The following BTBD1 variants were observed in gnomAD, a reference collection of about 807,000 sequenced individuals.
BTBD1 encodes the protein BTB domain containing 1.
Under a neutral mutation model 48.0 loss-of-function variants are expected in BTBD1, and 34 were observed. That is an observed-to-expected ratio of 0.71 (90% CI 0.54 to 0.94). The LOEUF (loss-of-function observed/expected upper bound fraction) is 0.94, where lower values mean the gene tolerates loss of function less well. BTBD1 is among the 40% of genes least tolerant of loss of function. The pLI is 0.00. For synonymous variants in BTBD1, 261 were observed against 242.1 expected (o/e 1.08, Z -0.72); for missense variants, 543 against 625.6 (o/e 0.87, Z 1.41).
At chr15:83,052,101 C>G (rs577137834) in intron 2 of BTBD1, among the ~76,000 whole-genome samples, 1 of 152,184 alleles carries the variant, frequency 6.6e-6, no homozygotes, top group East Asian at 1.9e-4. Flanking sequence ...GGACCACAGG[C>G]GCCTGCCACC....
chr15:83,048,268 G>A (rs928270648), intron 3 of BTBD1, among the ~76,000 whole-genome samples: 49 of 152,178 alleles, frequency 3.2e-4, no homozygotes, highest in Non-Finnish European at 4.4e-4. Flanking sequence ...AGGAACAGAA[G>A]AGTCCTCACA....
intron 4 of BTBD1, 25 bp downstream of exon 4, chr15:83,041,703 G>A (rs903058840): frequency 6.2e-7 from 1 of 1,607,104 alleles, no homozygotes; most frequent in Non-Finnish European, 8.5e-7. Flanking sequence ...GTTTCAAATA[G>A]ATTTTGGTGA....
intron 1 of BTBD1, among the ~76,000 whole-genome samples, chr15:83,063,780 G>C (rs1334883526): frequency 6.6e-6 from 1 of 152,100 alleles, no homozygotes; most frequent in African/African-American, 2.4e-5. Context: ...AGGCACACTG[G>C]TTCACTCTTG....
intron 1 of BTBD1, among the ~76,000 whole-genome samples, chr15:83,064,812 T>C (rs899434980): frequency 2.0e-5 from 3 of 152,172 alleles, no homozygotes; most frequent in Admixed American, 1.3e-4. Context: ...TACCCAATCC[T>C]CCTGGTGAAC....
At chr15:83,054,563 CTTTTTT>C (rs1178762435) in intron 2 of BTBD1, among the ~76,000 whole-genome samples, 1 of 130,428 alleles carries the variant, frequency 7.7e-6, no homozygotes, top group African/African-American at 2.9e-5. Flanking sequence ...AACATTTTTT[CTTTTTT>C]TTTTTTTTTT....
intron 4 of BTBD1, chr15:83,030,596 T>C (rs1320914735): frequency 6.0e-6 from 2 of 330,940 alleles, no homozygotes; most frequent in Non-Finnish European, 1.1e-5. Flanking sequence ...GAATCCTCCT[T>C]TCTCACCTTA....
rs1045231062 is a variant in BTBD1 at position 83,056,471 on chromosome 15, G to A, written c.476C>T (p.Ala159Val). Residue 159 changes from alanine (A) to valine (V), a missense_variant, in exon 2 of 8, where the codon GCA becomes GTA. By Grantham distance (64) the Ala-to-Val change is moderately conservative. This residue lies in a region of BTBD1 where 70 missense variants were observed against 111.7 expected (regional missense o/e 0.63). Transcript: ENST00000261721. ...MTTLYTAKKY[A>V]VPALEAHCVE... is the part of the protein sequence containing the mutation. ...ACAGTGTGCTTCCAAGGCTGGGACTGCGTATTTCTTGGCAGTATAAAGAGT... is the reference window on the plus strand; with the variant it reads ...ACAGTGTGCTTCCAAGGCTGGGACTACGTATTTCTTGGCAGTATAAAGAGT... The A allele has an allele frequency of 5.0e-6, 8 of 1,612,678 alleles. No individual in the cohort carries two copies. Among genetic ancestry groups the A allele is most frequent in the African/African-American group, 4.0e-5 (3 of 74,896 alleles).
intron 1 of BTBD1, among the ~76,000 whole-genome samples, chr15:83,065,134 A>ACTACTTCCTC (rs202191362): frequency 0.013 from 1,514 of 120,006 alleles, 23 homozygotes; most frequent in African/African-American, 0.046. Context: ...CCTACAGCTG[A>ACTACTTCCTC]CTACTTCCTC....
intron 2 of BTBD1, among the ~76,000 whole-genome samples, chr15:83,055,948 C>CT (rs2033074287): frequency 3.9e-5 from 6 of 152,036 alleles, no homozygotes; most frequent in East Asian, 1.9e-4. Flanking sequence ...CTCTAACATG[C>CT]TTTTTTTTGT....
chr15:83,065,960 G>T (rs1264263750), intron 1 of BTBD1, among the ~76,000 whole-genome samples: 1 of 152,044 alleles, frequency 6.6e-6, no homozygotes, highest in Non-Finnish European at 1.5e-5. Flanking sequence ...ACTTTCCTGG[G>T]TCTTGACAAC....
rs1178196230 is a variant in BTBD1 at position 83,030,022 on chromosome 15, AT to A, written c.1055+113del. The A allele has an allele frequency of 4.1e-6, 4 of 985,136 alleles. No homozygotes were observed. The African/African-American group carries it at 6.5e-5, about 16-fold the overall frequency. 61.0% of individuals were successfully genotyped at this position (985,136 alleles called of 1,614,324 possible). A position where few individuals can be genotyped will look rare whatever the true frequency, so the allele number is the denominator to read the frequency against. On this transcript the variant is annotated intron_variant, in intron 5 of 7. Coordinates refer to ENST00000261721, the MANE Select transcript of BTBD1 (RefSeq NM_025238.4). ...CTATATTAACTTAACTTAAAAGTGT[AT>A]TAAATGAAGTATAAAATGAAATGTT... is the stretch of plus-strand genomic sequence containing the variant.
chr15:83,046,287 A>C (rs973156505), intron 3 of BTBD1, among the ~76,000 whole-genome samples: 4 of 152,222 alleles, frequency 2.6e-5, no homozygotes, highest in African/African-American at 9.6e-5. Context: ...TTAATTAATT[A>C]CCAATTTTTA....
intron 4 of BTBD1, 193 bp from the exon 5 acceptor site, chr15:83,030,521 T>C (rs2032495913): frequency 3.7e-6 from 2 of 541,968 alleles, no homozygotes; most frequent in Non-Finnish European, 3.2e-6. Context: ...TTAATTAAAA[T>C]GTTAAAAGCA....
At chr15:83,028,929 A>T (rs1293274624) in intron 5 of BTBD1, among the ~76,000 whole-genome samples, 1 of 152,052 alleles carries the variant, frequency 6.6e-6, no homozygotes, top group Non-Finnish European at 1.5e-5. Flanking sequence ...TACTATTTCT[A>T]ATTCATTAAT....
chr15:83,049,047 C>A (rs777183995), intron 3 of BTBD1, among the ~76,000 whole-genome samples: 1 of 152,196 alleles, frequency 6.6e-6, no homozygotes, highest in Non-Finnish European at 1.5e-5. Context: ...CATTTATCAT[C>A]AAACATTTGT....
chr15:83,065,934 G>T (rs562346394), intron 1 of BTBD1, among the ~76,000 whole-genome samples: 2 of 152,302 alleles, frequency 1.3e-5, no homozygotes, highest in East Asian at 3.9e-4. Flanking sequence ...AGCCTCACTT[G>T]TCTGTTTTCG....
Position 83,050,114 on chromosome 15 carries a change from A to G in BTBD1, c.623T>C (p.Met208Thr), listed in dbSNP as rs1194086632. Residue 208 changes from methionine to threonine, a missense_variant, in exon 3 of 8, where the codon ATG (methionine) becomes ACG (threonine). This residue lies in a region of BTBD1 where 300 missense variants were observed against 350.0 expected (regional missense o/e 0.86). Transcript: ENST00000261721. ...AAACCCTTCTGCACTTATTGCATCC[A>G]TTGTGCTTTTGTCTATTGTATCTAG... is the stretch of plus-strand genomic sequence containing the variant. ...LCLDTIDKST[M>T]DAISAEGFTD... 1 of 1,613,234 alleles carries G rather than the reference A, an allele frequency of 6.2e-7. No individual in the cohort carries two copies.
intron 5 of BTBD1, among the ~76,000 whole-genome samples, chr15:83,025,549 G>A (rs954332061): frequency 6.6e-6 from 1 of 151,624 alleles, no homozygotes; most frequent in Non-Finnish European, 1.5e-5. Context: ...TTCTTACTGG[G>A]TTTAATCCTA....
chr15:83,063,675 T>C (rs948131845), intron 1 of BTBD1, among the ~76,000 whole-genome samples: 1 of 152,196 alleles, frequency 6.6e-6, no homozygotes, highest in African/African-American at 2.4e-5. Flanking sequence ...AAATACCAGC[T>C]GAAAAAGTCT....
Sources: allele counts gnomAD v4.1 joint callset (sites outside exome capture counted in the v4.1 genomes callset), GRCh38; gene constraint gnomAD v4.1.1; regional missense constraint gnomAD v4.1.1; transcripts MANE v1.5; gene names NCBI Gene and HGNC (gene_info 2026-07-23, HGNC 2026-07-21).